The following UBR4 variants were observed in gnomAD, a reference collection of about 807,000 sequenced individuals.
UBR4 encodes ubiquitin protein ligase E3 component n-recognin 4, also known as E3 ubiquitin-protein ligase UBR4.
A neutral mutation model predicts 575.6 loss-of-function variants in UBR4; 124 were observed. The observed-to-expected ratio is 0.22, with a 90% CI of 0.19 to 0.25. UBR4 has a LOEUF of 0.25. Among genes scored for constraint, UBR4 ranks in the 10% least tolerant of loss-of-function variants. The pLI, the probability that UBR4 is intolerant of heterozygous loss-of-function variation, is 1.00. For synonymous variants in UBR4, 2,455 were observed against 2,473.7 expected, an observed-to-expected ratio of 0.99 and a Z score of 0.22; for missense variants, 4,818 against 6,478.8, an observed-to-expected ratio of 0.74 and a Z score of 8.80.
Position 19,150,627 on chromosome 1 carries a change from T to C in UBR4, c.7380A>G (p.Gly2460=), listed in dbSNP as rs895637250. The C allele has an allele frequency of 1.9e-6, 3 of 1,613,970 alleles. No individual in the cohort carries two copies. The highest frequency in any genetic ancestry group is 2.5e-6 in the Non-Finnish European group (3 of 1,179,998). Reference sequence around the variant, plus strand: ...TAGTGGGGGCAGCTGAGTCGCTATCTCCAGTGCCGTTGCTCTGGTTCAGAT... The same window carrying C: ...TAGTGGGGGCAGCTGAGTCGCTATCCCCAGTGCCGTTGCTCTGGTTCAGAT... ...PSNLNQSNGT[G]DSDSAAPTTT... is the part of the protein sequence containing the mutation. The change falls in exon 49 of 106, where the codon GGA becomes GGG. Residue 2460 remains glycine (G), a synonymous_variant. Coordinates refer to ENST00000375254, the MANE Select transcript of UBR4 (RefSeq NM_020765.3).
Position 19,090,376 on chromosome 1 carries a change from G to C in UBR4, c.14212-1399C>G, listed in dbSNP as rs941634122. ...TATGGCCAGGGCACTGCCCTCAGGA[G>C]AAAACCCACACTCCTCTTCTGGGAG... is the stretch of plus-strand genomic sequence containing the variant. On this transcript the variant is annotated intron_variant, in intron 97 of 105. Coordinates refer to ENST00000375254, the MANE Select transcript of UBR4 (RefSeq NM_020765.3). Among the ~76,000 whole-genome samples, 7 of 152,128 alleles carry C rather than the reference G, an allele frequency of 4.6e-5. 1 individual carries two copies. Among genetic ancestry groups the C allele is most frequent in the Admixed American group, 4.6e-4 (7 of 15,276 alleles).
chr1:19,167,111 A>G lies in UBR4; in HGVS notation c.4020T>C (p.Pro1340=). The stretch of plus-strand genomic sequence containing the variant: ...GAGCCAAGAACTCATCAGACTCAGC[A>G]GGGCCCAAGATGCGTTCCAGGGAGT... The part of the protein sequence containing the change: ...SSNSLERILG[P]AESDEFLARV... Residue 1340 remains proline, a synonymous_variant, in exon 29 of 106, where the codon CCT becomes CCC. Coordinates refer to ENST00000375254, the MANE Select transcript of UBR4 (RefSeq NM_020765.3). 1 of 1,614,212 alleles carries G rather than the reference A, an allele frequency of 6.2e-7. No individual in the cohort carries two copies. Among genetic ancestry groups the G allele is most frequent in the Non-Finnish European group, 8.5e-7 (1 of 1,180,040 alleles).
chr1:19,122,713 TA>T, intron 66 of UBR4, 119 bp downstream of exon 66: 1 of 1,147,120 alleles, frequency 8.7e-7, no homozygotes, highest in Non-Finnish European at 1.3e-6. Flanking sequence ...ATCTCAGCCC[TA>T]ACCATGCCAT....
At chr1:19,193,349 C>A (rs1184807560) in intron 9 of UBR4, 84 bp downstream of exon 9, 7 of 1,549,856 alleles carry the variant, frequency 4.5e-6, no homozygotes, top group Non-Finnish European at 6.1e-6. Flanking sequence ...TAAGTTCTTT[C>A]TTCTATCATG....
rs200845654 is a variant in UBR4 at position 19,173,051 on chromosome 1, G to A, written c.3334C>T (p.Leu1112=). The A allele has an allele frequency of 1.2e-5, 20 of 1,614,038 alleles. No homozygotes were observed. The Admixed American group carries it at 3.3e-4, about 27-fold the overall frequency. ...CSIDCTTILQ[L]HEIPSLQSIY... is the part of the protein sequence containing the mutation. Reference sequence around the variant, plus strand: ...GACTGCAGACTGGGAATTTCATGCAGCTGCAAGATGGTGGTACAGTCGATA... The same window carrying A: ...GACTGCAGACTGGGAATTTCATGCAACTGCAAGATGGTGGTACAGTCGATA... Residue 1112 remains leucine, a synonymous_variant, in exon 25 of 106, where the codon CTG becomes TTG. Coordinates refer to ENST00000375254, the MANE Select transcript of UBR4 (RefSeq NM_020765.3).
rs766707072 is a variant in UBR4 at position 19,153,522 on chromosome 1, G to A, written c.6631-20C>T. 8.1e-6 allele frequency: 13 copies of A among 1,612,812 alleles called. No individual in the cohort carries two copies. The East Asian group carries it at 2.9e-4, about 36-fold the overall frequency. On this transcript the variant is annotated intron_variant, in intron 45 of 105. Transcript: ENST00000375254. This position sits in a 1 kb window ranked among gnomAD's most constrained non-coding sequence, Gnocchi z 4.1. ...TTGGATCTAGGAGGAGAGGACAAAG[G>A]AGGGTCTTCGTTCCCACACCCACAG...
In UBR4 at chr1:19,096,604, C is replaced by T. The variant is rs201091331; in HGVS notation, c.13437G>A (p.Met4479Ile). 24 of 1,613,678 alleles carry T rather than the reference C, an allele frequency of 1.5e-5. No homozygotes were observed. Among genetic ancestry groups the T allele is most frequent in the Non-Finnish European group, 2.5e-6 (3 of 1,179,922 alleles). Residue 4479 changes from methionine to isoleucine, a missense_variant, in exon 92 of 106, where the codon ATG (methionine) becomes ATA (isoleucine). By Grantham distance (10) the Met-to-Ile change is conservative. Coordinates refer to ENST00000375254, the MANE Select transcript of UBR4 (RefSeq NM_020765.3). Reference sequence around the variant, plus strand: ...TGCATTCCAGGCCCCCACACTGGGCCATCACACCAGCCATTTTATACACTT... The same window carrying T: ...TGCATTCCAGGCCCCCACACTGGGCTATCACACCAGCCATTTTATACACTT... ...EEEVYKMAGVMAQCGGLECML... is the reference protein window; with the variant it reads ...EEEVYKMAGVIAQCGGLECML...
intron 39 of UBR4, among the ~76,000 whole-genome samples, chr1:19,159,665 C>T (rs552619224): frequency 4.4e-4 from 66 of 150,560 alleles, no homozygotes; most frequent in Non-Finnish European, 8.6e-4. Context: ...TGCAGTGCTA[C>T]GATCTCAGCT....
rs926950239 is a variant in UBR4, at chr1:19,088,086, G to A, written c.14431-157C>T. Among the ~76,000 whole-genome samples the A allele has an allele frequency of 2.6e-5, 4 of 152,210 alleles. No homozygotes were observed. The highest frequency in any genetic ancestry group is 9.7e-5 in the African/African-American group (4 of 41,444). On this transcript the variant is annotated intron_variant, in intron 98 of 105. Transcript: ENST00000375254. The surrounding 1 kb of genome is among the most constrained non-coding windows in gnomAD (Gnocchi z 4.0). The stretch of plus-strand genomic sequence containing the variant: ...TGAGCTGTCTTCTAATAAGGATAAA[G>A]ACCCAGGCCCTTCTGCTATTCTCTC...
intron 13 of UBR4, 88 bp downstream of exon 13, chr1:19,187,076 T>A (rs1472315176): frequency 5.5e-6 from 4 of 733,306 alleles, no homozygotes; most frequent in East Asian, 7.7e-5. Flanking sequence ...CAAGAAAGTT[T>A]TATATATATA....
intron 71 of UBR4, 158 bp from the exon 72 acceptor site, chr1:19,118,068 A>G (rs2080744789): frequency 1.6e-6 from 1 of 618,470 alleles, no homozygotes; most frequent in African/African-American, 1.9e-5. Context: ...GAGAAATCCC[A>G]ATAGGGTTAC....
chr1:19,085,073 G>C (rs2148661256), intron 101 of UBR4, among the ~76,000 whole-genome samples: 1 of 152,344 alleles, frequency 6.6e-6, no homozygotes, highest in South Asian at 2.1e-4. Context: ...ATAAGAATGA[G>C]CTCTTCAATC....
chr1:19,148,147 G>A lies in UBR4; in HGVS notation c.7495-20C>T. The A allele has an allele frequency of 6.3e-7, 1 of 1,595,042 alleles. No homozygotes were observed. Among genetic ancestry groups the A allele is most frequent in the East Asian group, 2.2e-5 (1 of 44,588 alleles). ...TCTCTCCTAAGGCAAAAGACAGCAGGGTTATCACTAACCCCACCAACTCAA... is the reference window on the plus strand; with the variant it reads ...TCTCTCCTAAGGCAAAAGACAGCAGAGTTATCACTAACCCCACCAACTCAA... On this transcript the variant is annotated intron_variant, in intron 50 of 105. Coordinates refer to ENST00000375254, the MANE Select transcript of UBR4 (RefSeq NM_020765.3).
At chr1:19,090,593 T>TTA (rs1459382327) in intron 97 of UBR4, among the ~76,000 whole-genome samples, 1 of 152,154 alleles carries the variant, frequency 6.6e-6, no homozygotes, top group Non-Finnish European at 1.5e-5. Context: ...ATCTCGCTGT[T>TTA]TAGTTACTAC....
At chr1:19,127,840 T>C in intron 62 of UBR4, 101 bp from the exon 63 acceptor site, 1 of 954,980 alleles carries the variant, frequency 1.0e-6, no homozygotes, top group Non-Finnish European at 1.6e-6. Context: ...CCCTAAAATG[T>C]TCCTCAGATT....
At chr1:19,174,117 T>C (rs1190365379) in intron 22 of UBR4, among the ~76,000 whole-genome samples, 1 of 152,148 alleles carries the variant, frequency 6.6e-6, no homozygotes, top group Non-Finnish European at 1.5e-5. Context: ...GTTCTCTCAA[T>C]GGTAACCAAA....
chr1:19,112,878 A>G lies in UBR4; in HGVS notation c.11458-11T>C. ...CGAAGCAAAGACTTTCTAAGAACAA[A>G]AAGGCAACAATAATGGGAATTAGCA... On this transcript the variant is annotated splice_polypyrimidine_tract_variant and intron_variant, in intron 77 of 105. Coordinates refer to ENST00000375254, the MANE Select transcript of UBR4 (RefSeq NM_020765.3). 1 of 1,550,098 alleles carries G rather than the reference A, an allele frequency of 6.5e-7. No individual in the cohort carries two copies. Among genetic ancestry groups the G allele is most frequent in the African/African-American group, 1.4e-5 (1 of 72,870 alleles).
intron 11 of UBR4, among the ~76,000 whole-genome samples, chr1:19,189,620 T>C (rs1056660862): frequency 6.6e-6 from 1 of 152,336 alleles, no homozygotes; most frequent in Middle Eastern, 3.4e-3. Flanking sequence ...ATTTGAGTGG[T>C]AGAATTTGGG....
chr1:19,095,665 G>A lies in UBR4; in HGVS notation c.13519-13C>T. ...ATTTCAGTAGCACCTGACAAGAAAA[G>A]CCAGTCAAAACCCATGAGGCCACAT... On this transcript the variant is annotated splice_polypyrimidine_tract_variant and intron_variant, in intron 92 of 105. Coordinates refer to ENST00000375254, the MANE Select transcript of UBR4 (RefSeq NM_020765.3). 1 of 1,613,370 alleles carries A rather than the reference G, an allele frequency of 6.2e-7. No homozygotes were observed. The highest frequency in any genetic ancestry group is 8.5e-7 in the Non-Finnish European group (1 of 1,179,462).
Sources: allele counts gnomAD v4.1 joint callset (sites outside exome capture counted in the v4.1 genomes callset), GRCh38; gene constraint gnomAD v4.1.1; non-coding constraint Gnocchi (gnomAD v3.1); transcripts MANE v1.5; gene names NCBI Gene and HGNC (gene_info 2026-07-23, HGNC 2026-07-21).